Variants in CNTN5 observed in about 807,000 individuals in gnomAD.
CNTN5 encodes contactin 5, also known as contactin-5.
Under a neutral mutation model 129.1 loss-of-function variants are expected in CNTN5, and 77 were observed. The ratio of observed to expected loss-of-function variants is 0.60; its 90% CI spans 0.50 to 0.72. The LOEUF (loss-of-function observed/expected upper bound fraction) is 0.72, where lower values mean the gene tolerates loss of function less well. Ranked by LOEUF, CNTN5 falls within the 30% of genes least tolerant of loss-of-function variation. The pLI is 0.00. For synonymous variants in CNTN5, 509 were observed against 465.6 expected, an observed-to-expected ratio of 1.09 and a Z score of -1.20; for missense variants, 1,478 against 1,328.8, an observed-to-expected ratio of 1.11 and a Z score of -1.75.
chr11:100,079,729 A>G (rs1287509869), intron 13 of CNTN5, among the ~76,000 whole-genome samples: 1 of 152,086 alleles, frequency 6.6e-6, no homozygotes. Context: ...ACAGTCACTT[A>G]GGTTCCTGTA....
At chr11:99,846,566 A>G (rs951289224) in intron 6 of CNTN5, among the ~76,000 whole-genome samples, 2 of 152,006 alleles carry the variant, frequency 1.3e-5, no homozygotes, top group African/African-American at 4.8e-5. Context: ...ATACTGAGAA[A>G]GACTAGGAAT....
chr11:99,652,499 G>A (rs938778962), intron 3 of CNTN5, among the ~76,000 whole-genome samples: 9 of 152,008 alleles, frequency 5.9e-5, no homozygotes, highest in African/African-American at 2.2e-4. Context: ...CCACCGGAAA[G>A]CGGTATTACG....
intron 4 of CNTN5, among the ~76,000 whole-genome samples, chr11:99,836,669 G>T (rs1947317985): frequency 6.6e-6 from 1 of 152,084 alleles, no homozygotes; most frequent in African/African-American, 2.4e-5. Context: ...GTAATGGGAT[G>T]GCTGGGTCAA....
chr11:99,495,403 A>G (rs947511052), intron 2 of CNTN5, among the ~76,000 whole-genome samples: 5 of 152,048 alleles, frequency 3.3e-5, no homozygotes, highest in Non-Finnish European at 5.9e-5. Flanking sequence ...CCCTTCATAT[A>G]TTGCTAAAAC....
intron 1 of CNTN5, among the ~76,000 whole-genome samples, chr11:99,229,906 T>C (rs1359944524): frequency 6.6e-6 from 1 of 152,024 alleles, no homozygotes; most frequent in Non-Finnish European, 1.5e-5. Context: ...TGCATATAAA[T>C]ATAATGTGCA....
intron 1 of CNTN5, among the ~76,000 whole-genome samples, chr11:99,244,233 C>G (rs937094689): frequency 6.6e-6 from 1 of 152,068 alleles, no homozygotes; most frequent in Non-Finnish European, 1.5e-5. Context: ...AATTGGATTG[C>G]TTTCTCAATT....
intron 23 of CNTN5, among the ~76,000 whole-genome samples, chr11:100,344,292 A>G (rs535139984): frequency 3.7e-4 from 57 of 152,176 alleles, no homozygotes; most frequent in Admixed American, 1.8e-3. Flanking sequence ...GGAGACTTCT[A>G]GGTTGTGAAA....
chr11:100,111,439 CAG>C (rs1192477571), intron 13 of CNTN5, among the ~76,000 whole-genome samples: 2 of 152,094 alleles, frequency 1.3e-5, no homozygotes, highest in Admixed American at 1.3e-4. Flanking sequence ...AGAGGCATGG[CAG>C]AGAGACACAA....
intron 3 of CNTN5, among the ~76,000 whole-genome samples, chr11:99,636,721 A>T (rs1293413178): frequency 6.6e-6 from 1 of 151,936 alleles, no homozygotes; most frequent in Non-Finnish European, 1.5e-5. Flanking sequence ...TAGGTTAAAA[A>T]GTAAATGACT....
chr11:99,804,547 C>T (rs1946211477), intron 3 of CNTN5, among the ~76,000 whole-genome samples: 1 of 143,460 alleles, frequency 7.0e-6, no homozygotes, highest in South Asian at 2.4e-4. Flanking sequence ...AAAAAAAACT[C>T]AGTAAAGTAT....
chr11:99,505,823 C>G (rs1470400787), intron 2 of CNTN5, among the ~76,000 whole-genome samples: 1 of 152,172 alleles, frequency 6.6e-6, no homozygotes, highest in African/African-American at 2.4e-5. Flanking sequence ...CTTTTCCCCA[C>G]TTAGAATTTT....
At chr11:99,025,097 A>G (rs1283879750) in intron 1 of CNTN5, among the ~76,000 whole-genome samples, 1 of 151,998 alleles carries the variant, frequency 6.6e-6, no homozygotes, top group Non-Finnish European at 1.5e-5. Context: ...TGACCTTCTC[A>G]TAACAGATCC....
intron 6 of CNTN5, among the ~76,000 whole-genome samples, chr11:99,871,017 A>T (rs1390400617): frequency 2.6e-5 from 4 of 152,118 alleles, no homozygotes; most frequent in Admixed American, 6.6e-5. Context: ...ACATGGGAAC[A>T]CTGGGTAAAA....
chr11:99,876,067 AAAG>A (rs1287814311), intron 6 of CNTN5, among the ~76,000 whole-genome samples: 2 of 152,180 alleles, frequency 1.3e-5, no homozygotes, highest in South Asian at 4.1e-4. Flanking sequence ...TCTCCTGCTG[AAAG>A]GCATCAAATA....
chr11:100,261,522 G>T (rs189580422), intron 17 of CNTN5, among the ~76,000 whole-genome samples: 1 of 152,216 alleles, frequency 6.6e-6, no homozygotes. Flanking sequence ...AAACCTGGAG[G>T]CATCACGCTA....
intron 1 of CNTN5, among the ~76,000 whole-genome samples, chr11:99,153,195 C>T (rs1275720978): frequency 6.6e-6 from 1 of 152,180 alleles, no homozygotes. Context: ...GCCTCTCTAG[C>T]AAGGTTGGGG....
At chr11:99,419,849 G>A (rs1942811362) in intron 2 of CNTN5, among the ~76,000 whole-genome samples, 1 of 151,944 alleles carries the variant, frequency 6.6e-6, no homozygotes, top group Non-Finnish European at 1.5e-5. Flanking sequence ...ACTTCTCCCT[G>A]TAACTCAACA....
intron 9 of CNTN5, among the ~76,000 whole-genome samples, chr11:100,023,029 T>A (rs1279220724): frequency 1.3e-5 from 2 of 152,180 alleles, no homozygotes; most frequent in East Asian, 3.9e-4. Flanking sequence ...GTGCTTGTGG[T>A]ACATTGAGCT....
chr11:99,490,814 A>G (rs1256425731), intron 2 of CNTN5, among the ~76,000 whole-genome samples: 1 of 152,092 alleles, frequency 6.6e-6, no homozygotes, highest in Non-Finnish European at 1.5e-5. Flanking sequence ...GTTTTGCTCC[A>G]CTGGGTGTTA....
Sources: allele counts gnomAD v4.1 joint callset (sites outside exome capture counted in the v4.1 genomes callset), GRCh38; gene constraint gnomAD v4.1.1; transcripts MANE v1.5; gene names NCBI Gene and HGNC (gene_info 2026-07-23, HGNC 2026-07-21).